Variants in ADAM10 observed in about 807,000 individuals in gnomAD.
ADAM10 encodes disintegrin and metalloproteinase domain-containing protein 10.
Under a neutral mutation model 90.1 loss-of-function variants are expected in ADAM10, and 17 were observed. The ratio of observed to expected loss-of-function variants is 0.19; its 90% CI spans 0.13 to 0.28. ADAM10 has a LOEUF of 0.28. Ranked by LOEUF, ADAM10 falls within the 10% of genes least tolerant of loss-of-function variation. The probability of loss-of-function intolerance (pLI) is 1.00; values close to 1 mark genes in which losing one functional copy is unlikely to be tolerated. For missense variants in ADAM10, 610 were observed against 914.3 expected, an observed-to-expected ratio of 0.67 and a Z score of 4.29; for synonymous variants, 310 against 298.6, an observed-to-expected ratio of 1.04 and a Z score of -0.40.
At chr15:58,655,672 ACATACATATATATAT>A (rs1484002134) in intron 5 of ADAM10, among the ~76,000 whole-genome samples, 18 of 114,114 alleles carry the variant, frequency 1.6e-4, no homozygotes, top group African/African-American at 7.1e-4. Flanking sequence ...ATACATACAT[ACATACATATATATAT>A]TATATATAGT....
intron 1 of ADAM10, among the ~76,000 whole-genome samples, chr15:58,735,927 T>C (rs536097466): frequency 6.6e-6 from 1 of 152,162 alleles, no homozygotes; most frequent in Non-Finnish European, 1.5e-5. Flanking sequence ...ACTTTAACAG[T>C]GGAGAAATAC....
chr15:58,599,329 A>C (rs954551885), intron 15 of ADAM10, among the ~76,000 whole-genome samples: 2 of 152,028 alleles, frequency 1.3e-5, no homozygotes, highest in Non-Finnish European at 2.9e-5. Context: ...AAAAAAAAAA[A>C]AACAAGAAAA....
chr15:58,646,690 C>T (rs894415739), intron 5 of ADAM10, among the ~76,000 whole-genome samples: 15 of 152,196 alleles, frequency 9.9e-5, no homozygotes, highest in Non-Finnish European at 2.1e-4. Context: ...ATCTCTTCTC[C>T]ATATTGCAAT....
chr15:58,647,058 A>C (rs993380971), intron 5 of ADAM10, among the ~76,000 whole-genome samples: 1 of 152,050 alleles, frequency 6.6e-6, no homozygotes, highest in Non-Finnish European at 1.5e-5. Flanking sequence ...ATACCACTCC[A>C]TAGAATCATA....
chr15:58,604,380 G>T (rs541883072), intron 14 of ADAM10, among the ~76,000 whole-genome samples: 59 of 152,140 alleles, frequency 3.9e-4, no homozygotes, highest in African/African-American at 1.3e-3. Context: ...AATAAACAAA[G>T]AACTTAGCTC....
intron 8 of ADAM10, among the ~76,000 whole-genome samples, chr15:58,635,224 G>C (rs1362613768): frequency 7.8e-6 from 1 of 127,968 alleles, no homozygotes; most frequent in Non-Finnish European, 1.5e-5. Context: ...GCAGTGAGCA[G>C]AGATCATGCC....
intron 1 of ADAM10, among the ~76,000 whole-genome samples, chr15:58,725,144 C>T (rs184752013): frequency 1.3e-5 from 2 of 152,036 alleles, no homozygotes; most frequent in East Asian, 1.9e-4. Context: ...AAGCTATGAT[C>T]GTGCCACCAC....
intron 5 of ADAM10, among the ~76,000 whole-genome samples, chr15:58,662,471 T>A (rs1896992618): frequency 2.0e-5 from 3 of 152,154 alleles, no homozygotes; most frequent in Non-Finnish European, 4.4e-5. Flanking sequence ...TAGCTGAGAC[T>A]ACAGATGCTC....
chr15:58,643,423 TATAGTACTA>T (rs1252856744), intron 7 of ADAM10, among the ~76,000 whole-genome samples: 18 of 152,324 alleles, frequency 1.2e-4, no homozygotes, highest in Admixed American at 1.2e-3. Context: ...TCAAGAAGAT[TATAGTACTA>T]AGGGTTTTTC....
chr15:58,680,620 C>A (rs1246108014), intron 3 of ADAM10, among the ~76,000 whole-genome samples: 1 of 152,078 alleles, frequency 6.6e-6, no homozygotes, highest in African/African-American at 2.4e-5. Flanking sequence ...AGGTGAGCAC[C>A]AAAATCAAAT....
intron 1 of ADAM10, chr15:58,748,946 G>A (rs1351550670): frequency 7.5e-6 from 3 of 398,606 alleles, no homozygotes. Flanking sequence ...AACAATACAC[G>A]AGCCCAGCTG....
intron 11 of ADAM10, among the ~76,000 whole-genome samples, chr15:58,617,476 T>A (rs1895650146): frequency 6.6e-6 from 1 of 151,488 alleles, no homozygotes; most frequent in Non-Finnish European, 1.5e-5. Context: ...CCAGGTAAAA[T>A]AAGTAAGAAA....
intron 2 of ADAM10, chr15:58,686,524 C>CT: frequency 7.0e-7 from 1 of 1,422,754 alleles, no homozygotes; most frequent in Non-Finnish European, 9.8e-7. Context: ...TTCAACAGTA[C>CT]TGTATGCAGA....
chr15:58,605,248 G>A, intron 14 of ADAM10, among the ~76,000 whole-genome samples: 1 of 152,088 alleles, frequency 6.6e-6, no homozygotes, highest in East Asian at 1.9e-4. Flanking sequence ...AGTGTTCCTG[G>A]CTTTCTTCTA....
intron 2 of ADAM10, among the ~76,000 whole-genome samples, chr15:58,700,482 CT>C (rs1344265688): frequency 1.3e-5 from 2 of 152,000 alleles, no homozygotes; most frequent in Admixed American, 1.3e-4. Context: ...TGAAAGACAA[CT>C]GATCAAGAAA....
At chr15:58,734,518 G>A (rs544135362) in intron 1 of ADAM10, among the ~76,000 whole-genome samples, 1 of 152,018 alleles carries the variant, frequency 6.6e-6, no homozygotes, top group Non-Finnish European at 1.5e-5. Context: ...TGGGCAAGAT[G>A]GCAAAACGCC....
chr15:58,686,627 G>C (rs1897611565), intron 2 of ADAM10: 1 of 864,388 alleles, frequency 1.2e-6, no homozygotes, highest in Non-Finnish European at 2.0e-6. Context: ...AAGACTCTAA[G>C]AGAGAAGTTT....
At chr15:58,680,648 T>C (rs1300394494) in intron 3 of ADAM10, among the ~76,000 whole-genome samples, 13 of 152,128 alleles carry the variant, frequency 8.5e-5, no homozygotes, top group Admixed American at 3.9e-4. Context: ...AGGGTGAAAG[T>C]AGAGGGAGAG....
chr15:58,646,274 C>T, intron 5 of ADAM10, 70 bp from the exon 6 acceptor site: 1 of 1,448,220 alleles, frequency 6.9e-7, no homozygotes, highest in South Asian at 1.2e-5. Flanking sequence ...ATTAAGAATA[C>T]ATACTATAAA....
Sources: allele counts gnomAD v4.1 joint callset (sites outside exome capture counted in the v4.1 genomes callset), GRCh38; gene constraint gnomAD v4.1.1; transcripts MANE v1.5; gene names NCBI Gene and HGNC (gene_info 2026-07-23, HGNC 2026-07-21).